PLPP4: variants seen among roughly 807,000 people sequenced by gnomAD.
PLPP4 encodes the protein phospholipid phosphatase 4.
In PLPP4, 20 loss-of-function variants were observed where a neutral mutation model predicts 32.2. That is an observed-to-expected ratio of 0.62 (90% CI 0.44 to 0.90). The LOEUF (loss-of-function observed/expected upper bound fraction) is 0.90, where lower values mean the gene tolerates loss of function less well. Ranked by LOEUF, PLPP4 falls within the 40% of genes least tolerant of loss-of-function variation. PLPP4 has a pLI of 0.00. For synonymous variants in PLPP4, 127 were observed against 133.0 expected (o/e 0.95, Z 0.31); for missense variants, 257 against 353.1 (o/e 0.73, Z 2.18).
intron 1 of PLPP4, among the ~76,000 whole-genome samples, chr10:120,476,803 A>G (rs1432079133): frequency 1.3e-5 from 2 of 152,186 alleles, no homozygotes; most frequent in African/African-American, 4.8e-5. Context: ...CAGGGCACAA[A>G]TGCTAGCAGA....
intron 3 of PLPP4, among the ~76,000 whole-genome samples, chr10:120,516,089 T>C (rs764118070): frequency 1.3e-5 from 2 of 152,348 alleles, no homozygotes; most frequent in Non-Finnish European, 2.9e-5. Flanking sequence ...GAGCCTGCCA[T>C]ATAAAAATGA....
At chr10:120,550,341 A>G (rs936537220) in intron 5 of PLPP4, among the ~76,000 whole-genome samples, 2 of 152,020 alleles carry the variant, frequency 1.3e-5, no homozygotes, top group South Asian at 2.1e-4. Context: ...TGAATTATCC[A>G]ATATTGTTAA....
rs568803244 is a variant in PLPP4, at chr10:120,578,866, T to C, written c.616+3565T>C. ...TGCAGGTCAACTGGAAGCTGGAGAGTTTCACAGATGATGCTAACTACAAAG... is the reference window on the plus strand; with the variant it reads ...TGCAGGTCAACTGGAAGCTGGAGAGCTTCACAGATGATGCTAACTACAAAG... On this transcript the variant is annotated intron_variant, in intron 6 of 6. Coordinates refer to ENST00000398250, the MANE Select transcript of PLPP4 (RefSeq NM_001030059.3). Among the ~76,000 whole-genome samples, 105 of 152,132 alleles carry C rather than the reference T, an allele frequency of 6.9e-4. 2 individuals are homozygous for C. The highest frequency in any genetic ancestry group is 1.3e-3 in the Non-Finnish European group (87 of 67,994).
At chr10:120,577,293 T>G (rs1003071085) in intron 6 of PLPP4, among the ~76,000 whole-genome samples, 3 of 152,212 alleles carry the variant, frequency 2.0e-5, no homozygotes, top group African/African-American at 7.2e-5. Context: ...TTGAATCAAT[T>G]TTTCCTTTAT....
At chr10:120,496,144 C>G (rs1326256411) in intron 1 of PLPP4, among the ~76,000 whole-genome samples, 6 of 152,134 alleles carry the variant, frequency 3.9e-5, no homozygotes, top group Admixed American at 3.3e-4. Context: ...TTTAAAGCCC[C>G]CTGGAGTCTT....
intron 4 of PLPP4, among the ~76,000 whole-genome samples, 197 bp downstream of exon 4, chr10:120,519,093 T>C (rs1441988716): frequency 6.6e-6 from 1 of 152,184 alleles, no homozygotes; most frequent in Non-Finnish European, 1.5e-5. Context: ...AGCAGATCAC[T>C]AGCAAGGAAG....
intron 6 of PLPP4, among the ~76,000 whole-genome samples, chr10:120,583,489 G>C (rs1298106662): frequency 6.6e-6 from 1 of 151,954 alleles, no homozygotes; most frequent in Non-Finnish European, 1.5e-5. Flanking sequence ...CCCTTTTAAA[G>C]TACAGAAACA....
chr10:120,510,842 A>G (rs1049289270), intron 2 of PLPP4, among the ~76,000 whole-genome samples: 1 of 152,220 alleles, frequency 6.6e-6, no homozygotes, highest in Non-Finnish European at 1.5e-5. Flanking sequence ...TGTGCTGCCC[A>G]AGGATATGGC....
intron 5 of PLPP4, among the ~76,000 whole-genome samples, chr10:120,528,075 T>G (rs971507783): frequency 6.5e-5 from 9 of 138,366 alleles, no homozygotes; most frequent in Non-Finnish European, 1.2e-4. Flanking sequence ...CTCCGTTTTT[T>G]TTTTTTTTTT....
intron 1 of PLPP4, among the ~76,000 whole-genome samples, chr10:120,463,262 G>A (rs761787517): frequency 6.6e-5 from 10 of 152,030 alleles, no homozygotes; most frequent in East Asian, 3.9e-4. Context: ...TCCTGACCTC[G>A]TGATCTGCCC....
chr10:120,525,462 T>C (rs1158951003), intron 5 of PLPP4, among the ~76,000 whole-genome samples: 2 of 152,324 alleles, frequency 1.3e-5, no homozygotes, highest in Non-Finnish European at 2.9e-5. Flanking sequence ...ATTCAACAGA[T>C]GATTCTTGAG....
chr10:120,574,215 C>G (rs1013674317), intron 5 of PLPP4, among the ~76,000 whole-genome samples: 3 of 137,590 alleles, frequency 2.2e-5, no homozygotes, highest in Admixed American at 7.5e-5. Flanking sequence ...CTCTCTCTCT[C>G]TCTCTCTCAG....
intron 1 of PLPP4, among the ~76,000 whole-genome samples, chr10:120,494,796 C>T (rs962432921): frequency 2.6e-5 from 4 of 152,204 alleles, no homozygotes; most frequent in African/African-American, 9.7e-5. Context: ...CCTGTGCATT[C>T]TTTCTTTCCC....
At chr10:120,478,128 A>G (rs1363610514) in intron 1 of PLPP4, among the ~76,000 whole-genome samples, 3 of 152,184 alleles carry the variant, frequency 2.0e-5, no homozygotes, top group African/African-American at 7.2e-5. Context: ...GGTTGGACCA[A>G]GGAGGGAGAT....
chr10:120,511,509 G>A (rs376248596), intron 2 of PLPP4, among the ~76,000 whole-genome samples: 1 of 152,236 alleles, frequency 6.6e-6, no homozygotes. Flanking sequence ...ACACTGACTT[G>A]GTAGTATCAT....
intron 5 of PLPP4, among the ~76,000 whole-genome samples, chr10:120,574,835 C>T (rs1849138576): frequency 6.6e-6 from 1 of 152,196 alleles, no homozygotes; most frequent in South Asian, 2.1e-4. Context: ...TTTTTATTCC[C>T]CACATCTAGT....
intron 1 of PLPP4, among the ~76,000 whole-genome samples, chr10:120,477,419 A>G (rs1843988747): frequency 6.6e-6 from 1 of 151,522 alleles, no homozygotes; most frequent in Admixed American, 6.6e-5. Context: ...TGCTCCAGAA[A>G]GAAGTGTTCC....
At chr10:120,515,154 A>C (rs570498642) in intron 3 of PLPP4, among the ~76,000 whole-genome samples, 2 of 152,062 alleles carry the variant, frequency 1.3e-5, no homozygotes, top group African/African-American at 4.8e-5. Context: ...AGCTCAAATA[A>C]ATTAGGGGTT....
At chr10:120,482,346 T>A (rs775990976) in intron 1 of PLPP4, among the ~76,000 whole-genome samples, 5 of 152,120 alleles carry the variant, frequency 3.3e-5, no homozygotes, top group Non-Finnish European at 7.4e-5. Flanking sequence ...TGGTCTCAGA[T>A]GGAGATGAGA....
Sources: allele counts gnomAD v4.1 joint callset (sites outside exome capture counted in the v4.1 genomes callset), GRCh38; gene constraint gnomAD v4.1.1; transcripts MANE v1.5; gene names NCBI Gene and HGNC (gene_info 2026-07-23, HGNC 2026-07-21).